The following RPRD1B variants were observed in gnomAD, a reference collection of about 807,000 sequenced individuals.
RPRD1B encodes regulation of nuclear pre-mRNA domain containing 1B.
In RPRD1B, 11 loss-of-function variants were observed where a neutral mutation model predicts 41.5. The observed-to-expected ratio is 0.27, with a 90% confidence interval of 0.17 to 0.44. The LOEUF (loss-of-function observed/expected upper bound fraction) is 0.44. Ranked by LOEUF, RPRD1B falls within the 20% of genes least tolerant of loss-of-function variation. RPRD1B has a pLI of 1.00. For synonymous variants in RPRD1B, 158 were observed against 155.6 expected (o/e 1.02, Z -0.12); for missense variants, 248 against 389.9 (o/e 0.64, Z 3.06).
At chr20:38,088,453 T>C (rs1450811640) in intron 6 of RPRD1B, among the ~76,000 whole-genome samples, 2 of 152,202 alleles carry the variant, frequency 1.3e-5, no homozygotes, top group Admixed American at 1.3e-4. Flanking sequence ...AGCCTAGGTC[T>C]CTGCATCTCA....
intron 6 of RPRD1B, among the ~76,000 whole-genome samples, chr20:38,069,645 C>T (rs554845336): frequency 9.9e-5 from 15 of 152,236 alleles, no homozygotes; most frequent in African/African-American, 2.2e-4. Flanking sequence ...AAGATGGGCA[C>T]GATGCACTTC....
chr20:38,089,252 GCTT>G (rs1199429585), intron 6 of RPRD1B, among the ~76,000 whole-genome samples: 1 of 152,090 alleles, frequency 6.6e-6, no homozygotes, highest in Non-Finnish European at 1.5e-5. Context: ...GGTATTTTGA[GCTT>G]CTATAGTGCT....
intron 2 of RPRD1B, among the ~76,000 whole-genome samples, chr20:38,044,372 A>ATTTTTTTTTTTT (rs74179885): frequency 2.4e-5 from 3 of 124,544 alleles, no homozygotes; most frequent in African/African-American, 9.5e-5. Flanking sequence ...TCAGGTGTTC[A>ATTTTTTTTTTTT]TTTTTTTTTT....
chr20:38,078,063 G>A (rs1378373291), intron 6 of RPRD1B, among the ~76,000 whole-genome samples: 3 of 151,906 alleles, frequency 2.0e-5, no homozygotes, highest in Admixed American at 6.6e-5. Context: ...AGCTACTGGG[G>A]AAGCTGAGGC....
chr20:38,038,033 T>G (rs2074021139), intron 1 of RPRD1B, among the ~76,000 whole-genome samples: 1 of 152,226 alleles, frequency 6.6e-6, no homozygotes, highest in African/African-American at 2.4e-5. Flanking sequence ...AAAGCACGTT[T>G]TGCCATAATC....
chr20:38,035,857 C>A (rs182616465), intron 1 of RPRD1B, among the ~76,000 whole-genome samples: 1 of 151,782 alleles, frequency 6.6e-6, no homozygotes. Flanking sequence ...CTCCACCTCC[C>A]GGGTTCATGC....
chr20:38,053,331 A>G lies in RPRD1B; in HGVS notation c.416-4201A>G, dbSNP rs115980234. Among the ~76,000 whole-genome samples, 1,369 of 152,336 alleles carry G rather than the reference A, an allele frequency of 9.0e-3. 10 individuals are homozygous for G. The highest frequency in any genetic ancestry group is 0.027 in the African/African-American group (1,130 of 41,568). On this transcript the variant is annotated intron_variant, in intron 3 of 6. Coordinates refer to ENST00000373433, the MANE Select transcript of RPRD1B (RefSeq NM_021215.4). ...GACTAGACTGACAATACCAGGCACTATAACTGCTGACTTCGTAGCAGTGAT... is the reference window on the plus strand; with the variant it reads ...GACTAGACTGACAATACCAGGCACTGTAACTGCTGACTTCGTAGCAGTGAT...
intron 6 of RPRD1B, among the ~76,000 whole-genome samples, chr20:38,068,900 T>G (rs377186710): frequency 2.6e-5 from 4 of 152,330 alleles, no homozygotes; most frequent in South Asian, 4.2e-4. Context: ...TACATAAAGT[T>G]TACCCACTTT....
At chr20:38,056,124 C>T (rs1330363006) in intron 3 of RPRD1B, among the ~76,000 whole-genome samples, 2 of 152,192 alleles carry the variant, frequency 1.3e-5, no homozygotes, top group African/African-American at 2.4e-5. Context: ...TGATGGCTCA[C>T]ACCTGTAATC....
At chr20:38,034,631 C>A (rs560542555) in intron 1 of RPRD1B, among the ~76,000 whole-genome samples, 1 of 152,336 alleles carries the variant, frequency 6.6e-6, no homozygotes, top group Non-Finnish European at 1.5e-5. Flanking sequence ...TATACTAAGA[C>A]CTTTGTGTGT....
chr20:38,052,455 C>T (rs543980426), intron 3 of RPRD1B, among the ~76,000 whole-genome samples: 36 of 152,142 alleles, frequency 2.4e-4, no homozygotes, highest in Non-Finnish European at 4.9e-4. Flanking sequence ...AACTGTGCCT[C>T]AAATGTTAGA....
At chr20:38,047,865 A>G (rs1294869876) in intron 2 of RPRD1B, among the ~76,000 whole-genome samples, 1 of 152,214 alleles carries the variant, frequency 6.6e-6, no homozygotes, top group Non-Finnish European at 1.5e-5. Flanking sequence ...GATTCTTGAC[A>G]TATACATGTA....
At chr20:38,052,812 G>A (rs6097518) in intron 3 of RPRD1B, among the ~76,000 whole-genome samples, 1 of 124,874 alleles carries the variant, frequency 8.0e-6, no homozygotes, top group African/African-American at 3.1e-5. Flanking sequence ...GGATCCTCTA[G>A]AAGATCCAGC....
At chr20:38,061,085 A>G (rs1314601505) in intron 5 of RPRD1B, among the ~76,000 whole-genome samples, 1 of 152,246 alleles carries the variant, frequency 6.6e-6, no homozygotes, top group African/African-American at 2.4e-5. Flanking sequence ...TAAAGGTCTC[A>G]TGTAGCTTCC....
At chr20:38,037,009 C>T (rs540989032) in intron 1 of RPRD1B, among the ~76,000 whole-genome samples, 6 of 152,280 alleles carry the variant, frequency 3.9e-5, no homozygotes, top group African/African-American at 1.2e-4. Context: ...AAAATGCCCC[C>T]ACACTGAAAG....
intron 1 of RPRD1B, among the ~76,000 whole-genome samples, chr20:38,038,371 G>A (rs1427942491): frequency 1.3e-5 from 2 of 150,062 alleles, no homozygotes; most frequent in African/African-American, 4.9e-5. Flanking sequence ...TGCAGTTGGC[G>A]CGATCTCGGC....
chr20:38,071,419 G>GTTTATCCAT (rs2074411972), intron 6 of RPRD1B, among the ~76,000 whole-genome samples: 1 of 152,190 alleles, frequency 6.6e-6, no homozygotes, highest in African/African-American at 2.4e-5. Flanking sequence ...GTATGGATGT[G>GTTTATCCAT]ACACAGTTTA....
chr20:38,069,758 G>A (rs1457885687), intron 6 of RPRD1B, among the ~76,000 whole-genome samples: 1 of 152,146 alleles, frequency 6.6e-6, no homozygotes, highest in African/African-American at 2.4e-5. Context: ...ATTCTCACTT[G>A]TGTCTACCTT....
chr20:38,071,652 A>G (rs1034244681), intron 6 of RPRD1B, among the ~76,000 whole-genome samples: 4 of 152,226 alleles, frequency 2.6e-5, no homozygotes, highest in Non-Finnish European at 4.4e-5. Context: ...TTACATCCCC[A>G]CTAGCAATGT....
Sources: gnomAD v4.1 joint callset for allele counts (sites outside exome capture counted in the v4.1 genomes callset) on GRCh38, gnomAD v4.1.1 for gene constraint, MANE v1.5 for transcripts, NCBI Gene and HGNC (gene_info 2026-07-23, HGNC 2026-07-21) for gene names.